Variants in ICA1 observed in about 807,000 individuals in gnomAD.
ICA1 encodes the protein islet cell autoantigen 1, also known as 69 kDa islet cell autoantigen.
In ICA1, 40 loss-of-function variants were observed where a neutral mutation model predicts 71.0. That is an observed-to-expected ratio of 0.56 (90% CI 0.44 to 0.73). The LOEUF is 0.73. Ranked by LOEUF, ICA1 falls within the 30% of genes least tolerant of loss-of-function variation. The pLI is 0.00. For missense variants in ICA1, 578 were observed against 576.5 expected (o/e 1.00, Z -0.03); for synonymous variants, 207 against 209.5 (o/e 0.99, Z 0.10).
intron 6 of ICA1, among the ~76,000 whole-genome samples, chr7:8,199,503 G>T (rs1186755563): frequency 6.6e-6 from 1 of 152,200 alleles, no homozygotes; most frequent in Non-Finnish European, 1.5e-5. Flanking sequence ...TTGAGGTCAG[G>T]AGTTTGAGAC....
In ICA1 at chr7:8,150,856, G is replaced by T. The variant is rs74862353; in HGVS notation, c.804+6260C>A. On this transcript the variant is annotated intron_variant, in intron 8 of 13. Coordinates refer to ENST00000402384, the MANE Select transcript of ICA1 (RefSeq NM_001136020.3). ...CTCCTCCCTTCCTGCCCCATGTCCA[G>T]AAGTGCCCCTGGGAAGCAGTGCATG... Among the ~76,000 whole-genome samples, 264 of 152,344 alleles carry T rather than the reference G, an allele frequency of 1.7e-3. 1 individual carries two copies. The highest frequency in any genetic ancestry group is 6.0e-3 in the African/African-American group (251 of 41,572).
chr7:8,132,248 T>C lies in ICA1; in HGVS notation c.1061-4106A>G, dbSNP rs1460281541. Among the ~76,000 whole-genome samples, 5 of 152,190 alleles carry C rather than the reference T, an allele frequency of 3.3e-5. No homozygotes were observed. Among genetic ancestry groups the C allele is most frequent in the African/African-American group, 1.2e-4 (5 of 41,446 alleles). On this transcript the variant is annotated intron_variant, in intron 12 of 13. Coordinates refer to ENST00000402384, the MANE Select transcript of ICA1 (RefSeq NM_001136020.3). The surrounding 1 kb of genome is among the most constrained non-coding windows in gnomAD (Gnocchi z 4.5). ...CCCTCCCCTCCTTCCTGAAGCCTGC[T>C]CTGTTCCCACCATTATTCAGATCCA...
chr7:8,158,315 G>T (rs1351450056), intron 7 of ICA1: 4 of 563,326 alleles, frequency 7.1e-6, no homozygotes, highest in Non-Finnish European at 1.2e-5. Context: ...TAAATGTACA[G>T]AAGTGGGAAA....
Position 8,117,738 on chromosome 7 carries a change from G to A in ICA1, c.1331-3694C>T, listed in dbSNP as rs80297417. Among the ~76,000 whole-genome samples, 226 of 152,222 alleles carry A rather than the reference G, an allele frequency of 1.5e-3. 1 individual carries two copies. Among genetic ancestry groups the A allele is most frequent in the African/African-American group, 5.3e-3 (220 of 41,532 alleles). On this transcript the variant is annotated intron_variant, in intron 13 of 13. Coordinates refer to ENST00000402384, the MANE Select transcript of ICA1 (RefSeq NM_001136020.3). ...AAGGAAAAGATTTGTATCTGATAAG[G>A]CCCTCAAGAGAGATCATGTTTGGAA...
At chr7:8,215,698 T>C (rs964687468) in intron 6 of ICA1, among the ~76,000 whole-genome samples, 1 of 152,208 alleles carries the variant, frequency 6.6e-6, no homozygotes, top group Admixed American at 6.5e-5. Flanking sequence ...AGGTATGAAT[T>C]AGAATTTTGT....
intron 6 of ICA1, among the ~76,000 whole-genome samples, chr7:8,167,195 T>C (rs1359584145): frequency 6.6e-6 from 1 of 152,248 alleles, no homozygotes; most frequent in Non-Finnish European, 1.5e-5. Flanking sequence ...ATAGCACTAT[T>C]CATAATAGCA....
At position 8,221,411 on chromosome 7, in the gene ICA1, A is replaced by G; in HGVS notation, c.257-13T>C. 1.2e-6 allele frequency: 2 copies of G among 1,612,874 alleles called. No homozygotes were observed. The highest frequency in any genetic ancestry group is 2.7e-5 in the African/African-American group (2 of 74,968). ...TCTTGAGACAAGACTGATGAAGAAA[A>G]GACCAAAAGGAGCCATGAACAATGA... On this transcript the variant is annotated splice_polypyrimidine_tract_variant and intron_variant, in intron 4 of 13. Coordinates refer to ENST00000402384, the MANE Select transcript of ICA1 (RefSeq NM_001136020.3).
At chr7:8,199,730 C>T (rs1002035916) in intron 6 of ICA1, among the ~76,000 whole-genome samples, 1 of 152,058 alleles carries the variant, frequency 6.6e-6, no homozygotes, top group Non-Finnish European at 1.5e-5. Flanking sequence ...AAACAAAAAA[C>T]AAAAGAATGA....
At chr7:8,158,258 G>T (rs1315540106) in intron 7 of ICA1, 3 of 415,432 alleles carry the variant, frequency 7.2e-6, no homozygotes, top group Admixed American at 8.1e-5. Flanking sequence ...ATTTGGAAAG[G>T]CACGGATGGA....
rs140469651 is a variant in ICA1, at chr7:8,139,049, T to A, written c.956-2A>T. ...ATAAAATACTTTTTCCATCTTCAGCTGTAATATAACATGTGCAACTGGTTA... is the reference window on the plus strand; with the variant it reads ...ATAAAATACTTTTTCCATCTTCAGCAGTAATATAACATGTGCAACTGGTTA... On this transcript the variant is annotated splice_acceptor_variant, in intron 10 of 13. Transcript: ENST00000402384. LOFTEE classifies it high-confidence loss of function. 4.3e-6 allele frequency: 7 copies of A among 1,612,020 alleles called. No individual in the cohort carries two copies. The African/African-American group carries it at 9.3e-5, about 21-fold the overall frequency.
intron 6 of ICA1, among the ~76,000 whole-genome samples, chr7:8,206,816 T>C (rs1257676629): frequency 6.6e-6 from 1 of 152,154 alleles, no homozygotes; most frequent in African/African-American, 2.4e-5. Context: ...AGCTTCCTTA[T>C]TTGAGAGATT....
intron 13 of ICA1, among the ~76,000 whole-genome samples, chr7:8,124,111 ATTTTTTTTTTTTT>A (rs536582712): frequency 1.5e-4 from 16 of 107,412 alleles, no homozygotes; most frequent in African/African-American, 2.5e-4. Flanking sequence ...GAATCATACA[ATTTTTTTTTTTTT>A]TTTTTTTTTT....
Position 8,144,022 on chromosome 7 carries a change from A to G in ICA1, c.805-50T>C, listed in dbSNP as rs748275718. On this transcript the variant is annotated intron_variant, in intron 8 of 13. Coordinates refer to ENST00000402384, the MANE Select transcript of ICA1 (RefSeq NM_001136020.3). This position sits in a 1 kb window ranked among gnomAD's most constrained non-coding sequence, Gnocchi z 4.5. ...GAAAAAGAAAAAAAAAGAAGAAGAA[A>G]TAGAGACAAAAAAAAGAAAAGAAAG... 4 of 1,038,214 alleles carry G rather than the reference A, an allele frequency of 3.9e-6. No individual in the cohort carries two copies. In the South Asian group the frequency reaches 5.7e-5, roughly 15 times the overall value. The allele number at this position is 1,038,214 out of a possible 1,614,324, so 64.3% of individuals were successfully genotyped here.
chr7:8,212,772 A>G (rs1011711686), intron 6 of ICA1, among the ~76,000 whole-genome samples: 1 of 152,178 alleles, frequency 6.6e-6, no homozygotes, highest in Admixed American at 6.5e-5. Context: ...AGTCAGGAGC[A>G]GCAGCCAGCC....
intron 6 of ICA1, among the ~76,000 whole-genome samples, chr7:8,191,686 T>C (rs192156192): frequency 6.6e-5 from 10 of 152,204 alleles, no homozygotes; most frequent in Admixed American, 5.9e-4. Context: ...ATATGTGTTA[T>C]ATAATACATA....
At chr7:8,131,563 A>G (rs1189963932) in intron 12 of ICA1, among the ~76,000 whole-genome samples, 1 of 152,218 alleles carries the variant, frequency 6.6e-6, no homozygotes, top group Non-Finnish European at 1.5e-5. Flanking sequence ...CACACAGTGC[A>G]CATTTTCTCT....
chr7:8,253,426 A>C (rs1808889332), intron 1 of ICA1, among the ~76,000 whole-genome samples: 1 of 152,186 alleles, frequency 6.6e-6, no homozygotes, highest in Non-Finnish European at 1.5e-5. Flanking sequence ...TCAGAAGTAA[A>C]AATGTAAGGA....
At chr7:8,229,371 T>C (rs1799568500) in intron 3 of ICA1, among the ~76,000 whole-genome samples, 1 of 152,230 alleles carries the variant, frequency 6.6e-6, no homozygotes, top group Admixed American at 6.5e-5. Context: ...TTGATTTCAA[T>C]GCGTGGCGGT....
At chr7:8,228,070 C>T (rs1350961901) in intron 4 of ICA1, among the ~76,000 whole-genome samples, 2 of 152,054 alleles carry the variant, frequency 1.3e-5, no homozygotes, top group Non-Finnish European at 2.9e-5. Context: ...AATGTACAAA[C>T]ACATAATTGA....
Sources: gnomAD v4.1 joint callset for allele counts (sites outside exome capture counted in the v4.1 genomes callset) on GRCh38, gnomAD v4.1.1 for gene constraint, Gnocchi (gnomAD v3.1) non-coding constraint, MANE v1.5 for transcripts, NCBI Gene and HGNC (gene_info 2026-07-23, HGNC 2026-07-21) for gene names.